SYN3: variants seen among roughly 807,000 people sequenced by gnomAD.
The protein encoded by SYN3 is synapsin-3.
A neutral mutation model predicts 65.8 loss-of-function variants in SYN3; 35 were observed. The ratio of observed to expected loss-of-function variants is 0.53; its 90% confidence interval spans 0.41 to 0.70. The LOEUF is 0.70. SYN3 is among the 30% of genes least tolerant of loss of function. SYN3 has a pLI of 0.00. For missense variants in SYN3, 680 were observed against 749.0 expected, an observed-to-expected ratio of 0.91 and a Z score of 1.08; for synonymous variants, 270 against 292.9, an observed-to-expected ratio of 0.92 and a Z score of 0.80.
chr22:32,631,607 T>C (rs1445587945), intron 6 of SYN3, among the ~76,000 whole-genome samples: 1 of 152,210 alleles, frequency 6.6e-6, no homozygotes, highest in African/African-American at 2.4e-5. Flanking sequence ...ACCTTAGAAT[T>C]GCTGTGTCTT....
intron 9 of SYN3, among the ~76,000 whole-genome samples, chr22:32,536,914 G>A (rs1283634619): frequency 6.6e-6 from 1 of 152,144 alleles, no homozygotes; most frequent in Non-Finnish European, 1.5e-5. Context: ...GGTTTGTGTG[G>A]TAGCCCTTGC....
chr22:32,681,496 T>C (rs2060522307), intron 6 of SYN3, among the ~76,000 whole-genome samples: 1 of 152,224 alleles, frequency 6.6e-6, no homozygotes, highest in African/African-American at 2.4e-5. Context: ...AACACACATA[T>C]GATCCCATTT....
At chr22:32,891,977 C>CTAATAATAATAATAATAATAA (rs57171093) in intron 4 of SYN3, among the ~76,000 whole-genome samples, 18 of 148,290 alleles carry the variant, frequency 1.2e-4, no homozygotes, top group Non-Finnish European at 2.1e-4. Flanking sequence ...TCCTTTTTAG[C>CTAATAATAATAATAATAATAA]TAATAATAAT....
chr22:32,678,532 TTCCTCCTCCTCCTCCTCCTTCA>T (rs1212924714), intron 6 of SYN3, among the ~76,000 whole-genome samples: 17 of 151,444 alleles, frequency 1.1e-4, no homozygotes, highest in Non-Finnish European at 2.2e-4. Context: ...TTGAAAGACC[TTCCTCCTCCTCCTCCTCCTTCA>T]TCCTCCTCCT....
intron 6 of SYN3, among the ~76,000 whole-genome samples, chr22:32,792,922 C>T (rs972727086): frequency 6.6e-6 from 1 of 152,224 alleles, no homozygotes; most frequent in South Asian, 2.1e-4. Context: ...TGAATCACAG[C>T]TCTGCCACTT....
chr22:32,852,460 G>A (rs1417258599), intron 6 of SYN3, among the ~76,000 whole-genome samples: 1 of 152,186 alleles, frequency 6.6e-6, no homozygotes, highest in Non-Finnish European at 1.5e-5. Flanking sequence ...GGAAGAGAGA[G>A]AGGCCAGAGA....
rs149688697 is a variant in SYN3, at chr22:32,994,375, C to A, written c.311+11977G>T. Among the ~76,000 whole-genome samples the A allele has an allele frequency of 2.6e-5, 4 of 152,122 alleles. No homozygotes were observed. The East Asian group carries it at 7.8e-4, about 30-fold the overall frequency. ...GAGAGGAATGAAGTCCAGAGCCCCT[C>A]CAGGTGGTGTTGGGTGGTGTGTTTG... On this transcript the variant is annotated intron_variant, in intron 2 of 13. Transcript: ENST00000358763.
chr22:32,578,199 T>C (rs928067807), intron 7 of SYN3, among the ~76,000 whole-genome samples: 1 of 151,792 alleles, frequency 6.6e-6, no homozygotes, highest in Non-Finnish European at 1.5e-5. Context: ...TCTTTCTTTC[T>C]CTCTCTTTCT....
intron 7 of SYN3, among the ~76,000 whole-genome samples, chr22:32,561,429 A>G (rs532858668): frequency 5.3e-4 from 81 of 152,172 alleles, no homozygotes; most frequent in Non-Finnish European, 1.1e-3. Context: ...TGGCTTGCCT[A>G]TGGGTGTGTC....
At chr22:32,929,146 G>A (rs1232460803) in intron 4 of SYN3, among the ~76,000 whole-genome samples, 1 of 152,154 alleles carries the variant, frequency 6.6e-6, no homozygotes, top group African/African-American at 2.4e-5. Flanking sequence ...GCCTGGTGTG[G>A]TGGTGCATGT....
At chr22:32,695,821 C>T (rs1037275746) in intron 6 of SYN3, among the ~76,000 whole-genome samples, 2 of 152,010 alleles carry the variant, frequency 1.3e-5, no homozygotes, top group African/African-American at 4.8e-5. Context: ...TTCTATGACT[C>T]ACCTACCTCT....
At chr22:32,720,328 C>A (rs743742) in intron 6 of SYN3, among the ~76,000 whole-genome samples, 36,782 of 152,150 alleles carry the variant, frequency 0.24, 5,418 homozygotes, top group East Asian at 0.63. Context: ...AACACCTACC[C>A]AGGGCTAGCA....
chr22:32,529,643 A>G (rs2058038602), intron 10 of SYN3, among the ~76,000 whole-genome samples: 1 of 152,176 alleles, frequency 6.6e-6, no homozygotes, highest in Admixed American at 6.5e-5. Flanking sequence ...ACTGAGGCCC[A>G]GAGATGGGAG....
chr22:32,786,024 A>C (rs539291256), intron 6 of SYN3, among the ~76,000 whole-genome samples: 1 of 152,316 alleles, frequency 6.6e-6, no homozygotes, highest in African/African-American at 2.4e-5. Context: ...AGAAGAAAAA[A>C]AAAATACAGC....
intron 7 of SYN3, among the ~76,000 whole-genome samples, chr22:32,570,511 T>C (rs1461726147): frequency 6.6e-6 from 1 of 151,626 alleles, no homozygotes. Context: ...GCTGTGCATG[T>C]TTCTCTCCCA....
intron 4 of SYN3, among the ~76,000 whole-genome samples, chr22:32,908,188 T>A (rs1393246568): frequency 6.6e-6 from 1 of 151,328 alleles, no homozygotes; most frequent in Non-Finnish European, 1.5e-5. Context: ...CAGGTTCAAG[T>A]GATTGTCCTG....
intron 6 of SYN3, among the ~76,000 whole-genome samples, chr22:32,660,318 C>T (rs1601860883): frequency 6.6e-6 from 1 of 152,216 alleles, no homozygotes; most frequent in Non-Finnish European, 1.5e-5. Context: ...GTAGCCGTGC[C>T]AAACCTGGTT....
At chr22:32,790,141 A>G (rs548759765) in intron 6 of SYN3, among the ~76,000 whole-genome samples, 19 of 152,350 alleles carry the variant, frequency 1.2e-4, no homozygotes, top group African/African-American at 4.3e-4. Flanking sequence ...AAGTAGCTCT[A>G]CAGTACAAAG....
intron 1 of SYN3, among the ~76,000 whole-genome samples, chr22:33,041,468 T>C (rs2053963981): frequency 6.6e-6 from 1 of 151,838 alleles, no homozygotes; most frequent in Non-Finnish European, 1.5e-5. Flanking sequence ...CTAATATTTT[T>C]TTGGATTTTT....
Sources: allele counts gnomAD v4.1 joint callset (sites outside exome capture counted in the v4.1 genomes callset), GRCh38; gene constraint gnomAD v4.1.1; transcripts MANE v1.5; gene names NCBI Gene and HGNC (gene_info 2026-07-23, HGNC 2026-07-21).